PANK2: variants seen among roughly 807,000 people sequenced by gnomAD.
The protein encoded by PANK2 is pantothenate kinase 2.
Under a neutral mutation model 43.1 loss-of-function variants are expected in PANK2, and 36 were observed. The ratio of observed to expected loss-of-function variants is 0.84; its 90% confidence interval spans 0.64 to 1.10. The LOEUF (loss-of-function observed/expected upper bound fraction) is 1.10. Ranked by LOEUF, PANK2 falls within the 50% of genes least tolerant of loss-of-function variation. The pLI is 0.00. For missense variants in PANK2, 576 were observed against 593.3 expected (o/e 0.97, Z 0.30); for synonymous variants, 281 against 238.2 (o/e 1.18, Z -1.66).
chr20:3,891,030 A>C (rs2090114437), intron 1 of PANK2, among the ~76,000 whole-genome samples: 1 of 152,086 alleles, frequency 6.6e-6, no homozygotes, highest in Admixed American at 6.6e-5. Context: ...GCCATTAGCC[A>C]CAAGGGTTTT....
intron 4 of PANK2, among the ~76,000 whole-genome samples, chr20:3,913,421 A>G (rs373096580): frequency 4.2e-4 from 62 of 148,512 alleles, no homozygotes; most frequent in Middle Eastern, 7.4e-3. Context: ...TCGGCTCACC[A>G]CAACCCCCAC....
upstream of PANK2, chr20:3,888,952 A>ATAAC: frequency 1.8e-6 from 1 of 558,474 alleles, no homozygotes; most frequent in Non-Finnish European, 3.0e-6. Context: ...CAGCGGCCAG[A>ATAAC]CGCTGCGGGA....
chr20:3,893,179 T>C (rs2090151546), intron 1 of PANK2, among the ~76,000 whole-genome samples: 1 of 152,136 alleles, frequency 6.6e-6, no homozygotes, highest in Non-Finnish European at 1.5e-5. Context: ...AGTGAAATTG[T>C]CCTTTTGTCC....
chr20:3,899,002 G>A (rs535262677), intron 1 of PANK2, among the ~76,000 whole-genome samples: 1 of 151,776 alleles, frequency 6.6e-6, no homozygotes, highest in Admixed American at 6.6e-5. Flanking sequence ...AGCCTCCCGA[G>A]TAGCTGGAAT....
intron 1 of PANK2, among the ~76,000 whole-genome samples, chr20:3,894,008 T>C (rs1450199182): frequency 6.8e-6 from 1 of 146,300 alleles, no homozygotes; most frequent in African/African-American, 2.5e-5. Flanking sequence ...CTTGGCTCAC[T>C]GCAACCTCTG....
At chr20:3,914,363 G>T (rs1223134836) in intron 4 of PANK2, among the ~76,000 whole-genome samples, 1 of 151,546 alleles carries the variant, frequency 6.6e-6, no homozygotes, top group African/African-American at 2.4e-5. Flanking sequence ...TTGCCCACAT[G>T]AGAGTGCAGT....
chr20:3,889,957 T>G, intron 1 of PANK2: 1 of 1,518,940 alleles, frequency 6.6e-7, no homozygotes, highest in Non-Finnish European at 8.8e-7. Context: ...CTTGTTGGAG[T>G]GGAGGGCTTT....
At chr20:3,914,144 C>T in intron 4 of PANK2, among the ~76,000 whole-genome samples, 1 of 152,056 alleles carries the variant, frequency 6.6e-6, no homozygotes, top group South Asian at 2.1e-4. Context: ...ATTGCTGAGT[C>T]ATATGGTCAC....
At position 3,910,566 on chromosome 20, in the gene PANK2, TTTCA is replaced by T; in HGVS notation, c.652-8_652-5del. On this transcript the variant is annotated splice_polypyrimidine_tract_variant and splice_region_variant and intron_variant, in intron 2 of 6. Transcript: ENST00000610179. ...ATTAAAAAGTCTGAGTACATTCTTA[TTTCA>T]TTACAGATAGGTGATCTTCAGCTTT... 6.2e-7 allele frequency: 1 copy of T among 1,614,070 alleles called. No homozygotes were observed. Among genetic ancestry groups the T allele is most frequent in the South Asian group, 1.1e-5 (1 of 91,070 alleles).
At chr20:3,891,818 T>C (rs1305428788) in intron 1 of PANK2, among the ~76,000 whole-genome samples, 1 of 152,210 alleles carries the variant, frequency 6.6e-6, no homozygotes, top group African/African-American at 2.4e-5. Flanking sequence ...TAAGGTAGTT[T>C]TGAAACTTAT....
At chr20:3,902,984 C>T (rs1401046238) in intron 1 of PANK2, among the ~76,000 whole-genome samples, 1 of 113,070 alleles carries the variant, frequency 8.8e-6, no homozygotes, top group African/African-American at 2.8e-5. Context: ...CACACACACA[C>T]ACACACACAC....
intron 1 of PANK2, among the ~76,000 whole-genome samples, chr20:3,895,071 G>A (rs975032452): frequency 1.6e-4 from 24 of 152,002 alleles, no homozygotes; most frequent in Admixed American, 1.3e-4. Context: ...TTGAGACCAC[G>A]AGTTCAAGAC....
intron 4 of PANK2, 56 bp downstream of exon 4, chr20:3,912,690 G>T: frequency 6.3e-7 from 1 of 1,596,542 alleles, no homozygotes; most frequent in South Asian, 1.1e-5. Context: ...GGTGGCTCAT[G>T]CCTTTAATCC....
At chr20:3,890,085 TC>T (rs1461905662) in intron 1 of PANK2, among the ~76,000 whole-genome samples, 1 of 152,198 alleles carries the variant, frequency 6.6e-6, no homozygotes, top group Non-Finnish European at 1.5e-5. Flanking sequence ...TCCTCCCAAA[TC>T]CTTTGAATCC....
chr20:3,922,284 T>A (rs770244003), intron 6 of PANK2, among the ~76,000 whole-genome samples: 1 of 152,198 alleles, frequency 6.6e-6, no homozygotes, highest in Non-Finnish European at 1.5e-5. Context: ...TTCTTGCTAG[T>A]GTTCTCTTTT....
chr20:3,903,831 A>ATT (rs1222601844), intron 1 of PANK2, among the ~76,000 whole-genome samples: 1 of 151,724 alleles, frequency 6.6e-6, no homozygotes, highest in Non-Finnish European at 1.5e-5. Flanking sequence ...GTTTCACCAT[A>ATT]TTGGTCAGGC....
Position 3,902,539 on chromosome 20 carries a change from A to G in PANK2, c.299-5387A>G, listed in dbSNP as rs141788918. 3.9e-4 allele frequency among the ~76,000 whole-genome samples: 59 copies of G among 150,674 alleles called. 1 individual carries two copies. Among genetic ancestry groups the G allele is most frequent in the African/African-American group, 1.4e-3 (56 of 41,132 alleles). The stretch of plus-strand genomic sequence containing the variant: ...AGCGATCCACCCACCTCGGCCTCCT[A>G]AAGTGCTAGGATTACAAGCATGAGC... On this transcript the variant is annotated intron_variant, in intron 1 of 6. Transcript: ENST00000610179.
intron 4 of PANK2, among the ~76,000 whole-genome samples, chr20:3,914,085 G>A (rs6107373): frequency 0.035 from 5,248 of 150,628 alleles, 117 homozygotes; most frequent in East Asian, 0.066. Context: ...CACTGCGCCT[G>A]GCCTGCACAT....
chr20:3,893,931 G>GTTTTTTTTTTT (rs374582085), intron 1 of PANK2, among the ~76,000 whole-genome samples: 16 of 73,160 alleles, frequency 2.2e-4, no homozygotes, highest in Non-Finnish European at 3.8e-4. Context: ...TTTGTTTTTT[G>GTTTTTTTTTTT]TTTTTTTTTT....
Sources: gnomAD v4.1 joint callset for allele counts (sites outside exome capture counted in the v4.1 genomes callset) on GRCh38, gnomAD v4.1.1 for gene constraint, MANE v1.5 for transcripts, NCBI Gene and HGNC (gene_info 2026-07-23, HGNC 2026-07-21) for gene names.